ADGRL2: variants seen among roughly 807,000 people sequenced by gnomAD.
The protein encoded by ADGRL2 is calcium-independent alpha-latrotoxin receptor 2.
In ADGRL2, 44 loss-of-function variants were observed where a neutral mutation model predicts 157.4. That is an observed-to-expected ratio of 0.28 (90% confidence interval 0.22 to 0.36). The LOEUF is 0.36. Among genes scored for constraint, ADGRL2 ranks in the 10% least tolerant of loss-of-function variants. The pLI is 1.00. For synonymous variants in ADGRL2, 585 were observed against 624.7 expected, an observed-to-expected ratio of 0.94 and a Z score of 0.95; for missense variants, 1,510 against 1,768.9, an observed-to-expected ratio of 0.85 and a Z score of 2.63.
chr1:81,823,314 T>G (rs1301017446), intron 1 of ADGRL2, among the ~76,000 whole-genome samples: 2 of 150,118 alleles, frequency 1.3e-5, no homozygotes, highest in Admixed American at 6.6e-5. Flanking sequence ...TCCTTCCCGT[T>G]TTTTCTCTCC....
intron 1 of ADGRL2, among the ~76,000 whole-genome samples, chr1:81,437,132 C>G (rs773668196): frequency 1.3e-5 from 2 of 152,190 alleles, no homozygotes; most frequent in African/African-American, 2.4e-5. Flanking sequence ...ATTTCACTAT[C>G]CAGTCTATTA....
intron 3 of ADGRL2, among the ~76,000 whole-genome samples, chr1:81,612,407 A>G (rs1013483914): frequency 3.9e-5 from 6 of 152,246 alleles, no homozygotes; most frequent in Admixed American, 3.9e-4. Context: ...AGGTAACAAT[A>G]GCAAAAGCCA....
intron 22 of ADGRL2, 31 bp from the exon 23 acceptor site, chr1:81,987,838 T>C: frequency 3.2e-6 from 1 of 317,418 alleles, no homozygotes; most frequent in Non-Finnish European, 6.6e-6. Context: ...ATTCTCTTGT[T>C]TTTTTTCACT....
intron 2 of ADGRL2, among the ~76,000 whole-genome samples, chr1:81,898,997 A>G (rs976421313): frequency 6.6e-6 from 1 of 152,178 alleles, no homozygotes; most frequent in Non-Finnish European, 1.5e-5. Flanking sequence ...GAGGTCCCTG[A>G]TAATCAAAAA....
At chr1:81,440,443 C>T (rs12034562) in intron 1 of ADGRL2, among the ~76,000 whole-genome samples, 278 of 152,256 alleles carry the variant, frequency 1.8e-3, no homozygotes, top group African/African-American at 6.4e-3. Context: ...ACTCTGGTTG[C>T]GCTTTCTCCT....
chr1:81,451,854 T>G (rs2077708596), intron 2 of ADGRL2, among the ~76,000 whole-genome samples: 1 of 152,186 alleles, frequency 6.6e-6, no homozygotes, highest in Admixed American at 6.6e-5. Flanking sequence ...GAAAAATATA[T>G]GAATATTACA....
At chr1:81,513,631 C>G (rs1279532779) in intron 2 of ADGRL2, among the ~76,000 whole-genome samples, 2 of 152,104 alleles carry the variant, frequency 1.3e-5, no homozygotes, top group African/African-American at 4.8e-5. Flanking sequence ...GACACAATCC[C>G]CAGACTGCCT....
At chr1:81,428,892 G>A (rs1269739186) in intron 1 of ADGRL2, among the ~76,000 whole-genome samples, 1 of 152,128 alleles carries the variant, frequency 6.6e-6, no homozygotes, top group Non-Finnish European at 1.5e-5. Flanking sequence ...GAAGGTCAGA[G>A]AGACCTTGTT....
intron 1 of ADGRL2, among the ~76,000 whole-genome samples, chr1:81,705,674 T>A (rs531228179): frequency 4.6e-5 from 7 of 152,074 alleles, no homozygotes; most frequent in African/African-American, 1.7e-4. Context: ...CCCAGCACTT[T>A]GGGAGGCTGC....
At chr1:81,722,470 C>T (rs559221286) in intron 1 of ADGRL2, 9 of 1,516,892 alleles carry the variant, frequency 5.9e-6, no homozygotes, top group Admixed American at 5.0e-5. Context: ...CCAGCGTTTT[C>T]GTCAAATTAC....
intron 2 of ADGRL2, among the ~76,000 whole-genome samples, chr1:81,533,115 A>T (rs1432702906): frequency 6.6e-6 from 1 of 152,138 alleles, no homozygotes; most frequent in African/African-American, 2.4e-5. Flanking sequence ...GTGGTGGCTC[A>T]CACCTGTAAT....
chr1:81,521,851 CCTT>C (rs559602627), intron 2 of ADGRL2, among the ~76,000 whole-genome samples: 2 of 152,236 alleles, frequency 1.3e-5, no homozygotes, highest in South Asian at 4.2e-4. Context: ...ATTTCATAGT[CCTT>C]CTCCTGTGTG....
intron 1 of ADGRL2, among the ~76,000 whole-genome samples, chr1:81,830,318 A>G (rs779921440): frequency 7.2e-5 from 11 of 152,304 alleles, no homozygotes; most frequent in African/African-American, 9.6e-5. Context: ...CTGGACATAC[A>G]TGAAAGTATA....
chr1:81,490,925 G>A (rs1282154927), intron 2 of ADGRL2, among the ~76,000 whole-genome samples: 3 of 152,170 alleles, frequency 2.0e-5, no homozygotes, highest in Admixed American at 1.3e-4. Flanking sequence ...AAACAGTGAA[G>A]TATTCTAAAG....
At chr1:81,706,453 T>C (rs1221173435) in intron 1 of ADGRL2, among the ~76,000 whole-genome samples, 1 of 152,014 alleles carries the variant, frequency 6.6e-6, no homozygotes, top group Non-Finnish European at 1.5e-5. Context: ...TTGGACGTAA[T>C]GAGTGTTTTA....
intron 1 of ADGRL2, among the ~76,000 whole-genome samples, chr1:81,759,378 A>G (rs977390801): frequency 6.6e-6 from 1 of 152,166 alleles, no homozygotes; most frequent in African/African-American, 2.4e-5. Flanking sequence ...TACAAATTTT[A>G]GCAGCCATTA....
chr1:81,920,491 G>A (rs1009410322), intron 3 of ADGRL2, among the ~76,000 whole-genome samples: 7 of 152,112 alleles, frequency 4.6e-5, no homozygotes, highest in East Asian at 1.9e-4. Context: ...GAACTGCCAC[G>A]GGCTGAAGGG....
At chr1:81,812,735 C>T (rs1460944353) in intron 1 of ADGRL2, among the ~76,000 whole-genome samples, 1 of 151,738 alleles carries the variant, frequency 6.6e-6, no homozygotes, top group East Asian at 1.9e-4. Flanking sequence ...AGATGAGTTG[C>T]ATATGTGCTT....
chr1:81,862,716 T>C (rs1369889927), intron 2 of ADGRL2, among the ~76,000 whole-genome samples: 3 of 152,146 alleles, frequency 2.0e-5, no homozygotes, highest in African/African-American at 7.2e-5. Context: ...TTTGTAGTAC[T>C]TTTACTCTTT....
Sources: allele counts gnomAD v4.1 joint callset (sites outside exome capture counted in the v4.1 genomes callset), GRCh38; gene constraint gnomAD v4.1.1; transcripts MANE v1.5; gene names NCBI Gene and HGNC (gene_info 2026-07-23, HGNC 2026-07-21).